INIP: variants seen among roughly 807,000 people sequenced by gnomAD.
The protein encoded by INIP is SOSS complex subunit C.
A neutral mutation model predicts 14.0 loss-of-function variants in INIP; 9 were observed. The ratio of observed to expected loss-of-function variants is 0.64; its 90% CI spans 0.39 to 1.12. The LOEUF is 1.12. INIP is among the 50% of genes most tolerant of loss of function. The pLI is 0.01. For missense variants in INIP, 78 were observed against 122.7 expected (o/e 0.64, Z 1.72); for synonymous variants, 37 against 41.5 (o/e 0.89, Z 0.41).
intron 3 of INIP, among the ~76,000 whole-genome samples, chr9:112,690,564 C>G (rs1837848466): frequency 6.6e-6 from 1 of 152,258 alleles, no homozygotes; most frequent in African/African-American, 2.4e-5. Flanking sequence ...AGTTGTTTGT[C>G]TCCTTTCCTC....
chr9:112,687,622 T>G lies in INIP; in HGVS notation c.231A>C (p.Ala77=), dbSNP rs1335650613. The G allele has an allele frequency of 6.4e-7, 1 of 1,553,844 alleles. No homozygotes were observed. Among genetic ancestry groups the G allele is most frequent in the Middle Eastern group, 1.7e-4 (1 of 5,816 alleles). ...GAGTGATGAAGTATCCAGATGAATG[T>G]GCATGAGCATGCTGGGAAAGATTAA... ...QQKAALQHAH[A]HSSGYFITQD... Residue 77 remains alanine, a synonymous_variant, in exon 5 of 5, where the codon GCA becomes GCC. Coordinates refer to ENST00000374242, the MANE Select transcript of INIP (RefSeq NM_021218.3).
intron 2 of INIP, among the ~76,000 whole-genome samples, chr9:112,705,625 A>C (rs1031169564): frequency 6.6e-6 from 1 of 152,166 alleles, no homozygotes; most frequent in African/African-American, 2.4e-5. Context: ...TGTTTAAAAA[A>C]ATTTTATTTT....
chr9:112,698,638 G>C (rs963236013), intron 2 of INIP, among the ~76,000 whole-genome samples: 4 of 152,170 alleles, frequency 2.6e-5, no homozygotes, highest in Non-Finnish European at 1.5e-5. Flanking sequence ...GGAAAAATGA[G>C]AGCAGATATA....
chr9:112,689,060 C>T (rs905295639), intron 4 of INIP, among the ~76,000 whole-genome samples: 1 of 151,900 alleles, frequency 6.6e-6, no homozygotes, highest in African/African-American at 2.4e-5. Context: ...CGAAGCACCA[C>T]ATTTCTAGTC....
At chr9:112,695,828 GAA>G (rs1180348999) in intron 2 of INIP, among the ~76,000 whole-genome samples, 71 of 149,138 alleles carry the variant, frequency 4.8e-4, no homozygotes, top group African/African-American at 1.6e-3. Context: ...AGGAGAAGAA[GAA>G]GGAGAAGAAG....
At chr9:112,698,798 A>G (rs2131296047) in intron 2 of INIP, among the ~76,000 whole-genome samples, 1 of 152,340 alleles carries the variant, frequency 6.6e-6, no homozygotes, top group Middle Eastern at 3.4e-3. Flanking sequence ...TAAGGAGCAG[A>G]AAAATGGTCT....
intron 1 of INIP, 122 bp downstream of exon 1, chr9:112,717,865 G>A (rs1838878940): frequency 6.5e-6 from 1 of 152,732 alleles, no homozygotes; most frequent in Non-Finnish European, 1.5e-5. Flanking sequence ...GTAGGAGCCA[G>A]AAATGTTAGG....
chr9:112,711,674 G>C (rs1258902335), intron 2 of INIP, among the ~76,000 whole-genome samples: 2 of 152,136 alleles, frequency 1.3e-5, no homozygotes, highest in African/African-American at 4.8e-5. Context: ...ACAACCACAA[G>C]GGAATGTGGA....
chr9:112,705,110 C>CAA (rs1194911436), intron 2 of INIP, among the ~76,000 whole-genome samples: 497 of 45,620 alleles, frequency 0.011, 20 homozygotes, highest in African/African-American at 0.019. Flanking sequence ...GACCCTGTCT[C>CAA]AAAAAAAAAA....
rs372022820 is a variant in INIP at position 112,685,437 on chromosome 9, T to C, written c.*2101A>G. On this transcript the variant is annotated 3_prime_UTR_variant, in exon 5 of 5. Transcript: ENST00000374242. ...TTATCTGTAGGTATTAATAAATACA[T>C]AGGAAATTGAATTGAATTTGTAACT... The C allele has an allele frequency of 2.6e-5, 4 of 151,978 alleles. No individual in the cohort carries two copies. The highest frequency in any genetic ancestry group is 2.6e-4 in the Admixed American group (4 of 15,242). 9.4% of individuals were successfully genotyped at this position (151,978 alleles called of 1,614,324 possible). A position where few individuals can be genotyped will look rare whatever the true frequency, so the allele number is the denominator to read the frequency against.
At chr9:112,700,537 AT>A (rs199920745) in intron 2 of INIP, among the ~76,000 whole-genome samples, 10,719 of 134,592 alleles carry the variant, frequency 0.08, 469 homozygotes, top group African/African-American at 0.15. Flanking sequence ...ATATATATAT[AT>A]TATATATACC....
chr9:112,693,970 G>C (rs906023684), intron 3 of INIP, 161 bp downstream of exon 3: 1 of 417,318 alleles, frequency 2.4e-6, no homozygotes, highest in Non-Finnish European at 4.2e-6. Flanking sequence ...AGCTACTCGG[G>C]AGGCTGAGGC....
chr9:112,690,365 C>T (rs574411461), intron 3 of INIP, among the ~76,000 whole-genome samples: 7 of 152,262 alleles, frequency 4.6e-5, no homozygotes, highest in Admixed American at 3.9e-4. Context: ...CATGTGCCTG[C>T]GATTCCAGCT....
intron 1 of INIP, 48 bp from the exon 2 acceptor site, chr9:112,716,589 C>G (rs1472535671): frequency 1.0e-6 from 1 of 975,308 alleles, no homozygotes; most frequent in Admixed American, 1.8e-5. Context: ...ATTTTAATCA[C>G]AAACTAAAAG....
chr9:112,688,958 A>AACG (rs1337699067), intron 4 of INIP, among the ~76,000 whole-genome samples: 1 of 152,180 alleles, frequency 6.6e-6, no homozygotes, highest in Admixed American at 6.5e-5. Flanking sequence ...TGGGAAAAAA[A>AACG]TGTCCAAAGT....
At chr9:112,710,075 T>C (rs1564240358) in intron 2 of INIP, among the ~76,000 whole-genome samples, 1 of 152,356 alleles carries the variant, frequency 6.6e-6, no homozygotes, top group Non-Finnish European at 1.5e-5. Flanking sequence ...AAACTCTTAA[T>C]TGAGAGGTGG....
intron 2 of INIP, among the ~76,000 whole-genome samples, chr9:112,700,822 G>C (rs565281693): frequency 1.3e-5 from 2 of 151,798 alleles, no homozygotes; most frequent in Non-Finnish European, 2.9e-5. Flanking sequence ...GAAATCAAAG[G>C]TGGAAATCTG....
chr9:112,687,881 C>A lies in INIP; in HGVS notation c.220-248G>T, dbSNP rs147815520. ...TGGGCGAATCACGAGGTCAGGAGAT[C>A]GAGACCATCCTGGCTAACGTGGTGA... On this transcript the variant is annotated intron_variant, in intron 4 of 4. Coordinates refer to ENST00000374242, the MANE Select transcript of INIP (RefSeq NM_021218.3). Among the ~76,000 whole-genome samples, 37 of 152,046 alleles carry A rather than the reference C, an allele frequency of 2.4e-4. No individual in the cohort carries two copies. In the East Asian group the frequency reaches 6.8e-3, roughly 28 times the overall value.
intron 2 of INIP, among the ~76,000 whole-genome samples, chr9:112,707,566 C>T (rs1838520277): frequency 6.6e-6 from 1 of 151,802 alleles, no homozygotes; most frequent in African/African-American, 2.4e-5. Context: ...AAGTAACTAG[C>T]ATTACATCAG....
Sources: allele counts gnomAD v4.1 joint callset (sites outside exome capture counted in the v4.1 genomes callset), GRCh38; gene constraint gnomAD v4.1.1; transcripts MANE v1.5; gene names NCBI Gene and HGNC (gene_info 2026-07-23, HGNC 2026-07-21).